Variants in AHNAK2 observed in about 807,000 individuals in gnomAD.
AHNAK2 encodes the protein AHNAK nucleoprotein 2.
Under a neutral mutation model 30.7 loss-of-function variants are expected in AHNAK2, and 18 were observed. That is an observed-to-expected ratio of 0.59 (90% CI 0.41 to 0.87). The LOEUF (loss-of-function observed/expected upper bound fraction) is 0.87. Among genes scored for constraint, AHNAK2 ranks in the 40% least tolerant of loss-of-function variants. The probability of loss-of-function intolerance (pLI) is 0.00; values close to 1 mark genes in which losing one functional copy is unlikely to be tolerated. For synonymous variants in AHNAK2, 3,590 were observed against 3,073.8 expected, an observed-to-expected ratio of 1.17 and a Z score of -5.56; for missense variants, 8,604 against 7,373.0, an observed-to-expected ratio of 1.17 and a Z score of -6.11.
In AHNAK2 at chr14:104,939,962, A is replaced by G; in HGVS notation, c.15489T>C (p.Cys5163=). The change falls in exon 7 of 7, where the codon TGT becomes TGC. Residue 5163 remains cysteine, a synonymous_variant. Transcript: ENST00000333244. The part of the protein sequence containing the change: ...PTPEDPLQPS[C]RKPDAEVLTV... The stretch of plus-strand genomic sequence containing the variant: ...TGAGGACTTCAGCATCTGGTTTTCT[A>G]CAGGATGGCTGGAGGGGATCTTCAG... 6.2e-7 allele frequency: 1 copy of G among 1,612,004 alleles called. No individual in the cohort carries two copies. The highest frequency in any genetic ancestry group is 8.5e-7 in the Non-Finnish European group (1 of 1,179,866).
rs1202402368 is a variant in AHNAK2, at chr14:104,966,857, C to T, written c.56-9185G>A. ...CAAGGGCAATGGCAGGTAAGCCACT[C>T]TCTGGCCTCAGTTTCCCTTCCTGCT... On this transcript the variant is annotated intron_variant, in intron 1 of 6. Coordinates refer to ENST00000333244, the MANE Select transcript of AHNAK2 (RefSeq NM_138420.4). The surrounding 1 kb of genome is among the most constrained non-coding windows in gnomAD (Gnocchi z 4.3). 1.3e-5 allele frequency among the ~76,000 whole-genome samples: 2 copies of T among 152,248 alleles called. No homozygotes were observed. Among genetic ancestry groups the T allele is most frequent in the African/African-American group, 2.4e-5 (1 of 41,466 alleles).
At chr14:104,961,947 G>A (rs183449001) in intron 1 of AHNAK2, among the ~76,000 whole-genome samples, 115 of 152,226 alleles carry the variant, frequency 7.6e-4, no homozygotes, top group Non-Finnish European at 9.7e-4. Flanking sequence ...CACTCCAGCC[G>A]GGGCAGCAAA....
intron 1 of AHNAK2, among the ~76,000 whole-genome samples, chr14:104,976,862 C>G (rs996257032): frequency 6.6e-6 from 1 of 152,288 alleles, no homozygotes; most frequent in South Asian, 2.1e-4. Context: ...CCTTCTCCCT[C>G]TGAGGAGGTC....
chr14:104,957,292 A>G (rs1899002927), intron 3 of AHNAK2, 118 bp downstream of exon 3: 4 of 932,348 alleles, frequency 4.3e-6, no homozygotes, highest in Non-Finnish European at 4.7e-6. Flanking sequence ...CTGAGTGGGC[A>G]CTGCCCAGTG....
chr14:104,971,609 G>A (rs1236462293), intron 1 of AHNAK2, among the ~76,000 whole-genome samples: 1 of 152,060 alleles, frequency 6.6e-6, no homozygotes, highest in Non-Finnish European at 1.5e-5. Flanking sequence ...AGTGGTGGCT[G>A]AGAAACACCT....
At chr14:104,961,842 G>A (rs776242781) in intron 1 of AHNAK2, among the ~76,000 whole-genome samples, 8 of 151,920 alleles carry the variant, frequency 5.3e-5, no homozygotes, top group East Asian at 1.9e-4. Flanking sequence ...GCATGGTGGC[G>A]CACATCTGTA....
chr14:104,963,755 G>A (rs544522870), intron 1 of AHNAK2, among the ~76,000 whole-genome samples: 22 of 151,620 alleles, frequency 1.5e-4, no homozygotes, highest in Non-Finnish European at 2.1e-4. Flanking sequence ...GCGTGAACCC[G>A]GGAGGCGGAG....
chr14:104,949,849 T>C lies in AHNAK2; in HGVS notation c.5602A>G (p.Thr1868Ala), dbSNP rs149176067. Residue 1868 changes from threonine to alanine, a missense_variant, in exon 7 of 7, where the codon ACC becomes GCC. Transcript: ENST00000333244. Reference sequence around the variant, plus strand: ...GGGAGCGGAATGCAGAGGTCCGTGGTCTTGAGGTCCCCCTGCATGGAGGGG... The same window carrying C: ...GGGAGCGGAATGCAGAGGTCCGTGGCCTTGAGGTCCCCCTGCATGGAGGGG... ...SLPSMQGDLK[T>A]TDLCIPLPSA... is the part of the protein sequence containing the mutation. 943 of 1,586,990 alleles carry C rather than the reference T, an allele frequency of 5.9e-4. 72 individuals carry two copies. The East Asian group carries it at 6.1e-3, about 10-fold the overall frequency.
In AHNAK2 at chr14:104,941,682, G is replaced by A; in HGVS notation, c.13769C>T (p.Ser4590Phe). ...AEVMAPDVEVSLPSVETDVQA... is the reference protein window; with the variant it reads ...AEVMAPDVEVFLPSVETDVQA... ...GACATCCGTCTCCACGCTGGGCAGA[G>A]ACACCTCCACATCGGGGGCCATCAC... is the stretch of plus-strand genomic sequence containing the variant. Residue 4590 changes from serine to phenylalanine, a missense_variant, in exon 7 of 7, where the codon TCT (serine) becomes TTT (phenylalanine). Physicochemically the swap from Ser to Phe is radical, Grantham distance 155 (BLOSUM62 -2). Coordinates refer to ENST00000333244, the MANE Select transcript of AHNAK2 (RefSeq NM_138420.4). 2 of 1,613,704 alleles carry A rather than the reference G, an allele frequency of 1.2e-6. No individual in the cohort carries two copies. Among genetic ancestry groups the A allele is most frequent in the Non-Finnish European group, 8.5e-7 (1 of 1,179,868 alleles).
rs199891797 is a variant in AHNAK2 at position 104,943,869 on chromosome 14, G to A, written c.11582C>T (p.Thr3861Met). ...CATGTCCACCTGGCGAGCTTGGACC[G>A]TCAGGTCGGCAGAATGGGGCTGAAT... ...LSIQPHSADL[T>M]VQARQVDMKL... The change falls in exon 7 of 7, where the codon ACG becomes ATG. Residue 3861 changes from threonine (T) to methionine (M), a missense_variant. Physicochemically the swap from Thr to Met is moderately conservative, Grantham distance 81 (BLOSUM62 -1). Coordinates refer to ENST00000333244, the MANE Select transcript of AHNAK2 (RefSeq NM_138420.4). The A allele has an allele frequency of 5.8e-5, 94 of 1,608,264 alleles. 2 individuals are homozygous for A. Among genetic ancestry groups the A allele is most frequent in the South Asian group, 4.1e-4 (37 of 90,860 alleles).
In AHNAK2 at chr14:104,941,309, G is replaced by C. The variant is rs753272855; in HGVS notation, c.14142C>G (p.Thr4714=). 14 of 1,613,340 alleles carry C rather than the reference G, an allele frequency of 8.7e-6. No individual in the cohort carries two copies. The highest frequency in any genetic ancestry group is 1.7e-5 in the Admixed American group (1 of 59,982). Residue 4714 remains threonine, a synonymous_variant, in exon 7 of 7, where the codon ACC becomes ACG. Coordinates refer to ENST00000333244, the MANE Select transcript of AHNAK2 (RefSeq NM_138420.4). ...GGACTAAACTATCTTTAGGAGTTTT[G>C]GTAGAAGAAAATGAAACTTTGGGCA... The part of the protein sequence containing the change: ...FKVPKVSFSS[T]KTPKDSLVPG...
At chr14:104,956,114 C>A (rs1898967852) in intron 4 of AHNAK2, among the ~76,000 whole-genome samples, 1 of 152,112 alleles carries the variant, frequency 6.6e-6, no homozygotes, top group Admixed American at 6.6e-5. Context: ...CTGTGTCCTG[C>A]AGAGCTCTTG....
chr14:104,958,443 C>T (rs1211041791), intron 1 of AHNAK2, among the ~76,000 whole-genome samples: 18 of 151,176 alleles, frequency 1.2e-4, no homozygotes, highest in Admixed American at 5.9e-4. Context: ...AGTGAAACTC[C>T]GTCTCAAAAA....
At position 104,946,875 on chromosome 14, in the gene AHNAK2, G is replaced by A. The variant is rs752651546; in HGVS notation, c.8576C>T (p.Thr2859Ile). 11 of 1,612,586 alleles carry A rather than the reference G, an allele frequency of 6.8e-6. No homozygotes were observed. The East Asian group carries it at 2.5e-4, about 36-fold the overall frequency. Residue 2859 changes from threonine to isoleucine, a missense_variant, in exon 7 of 7, where the codon ACT (threonine) becomes ATT (isoleucine). Thr to Ile is a moderately conservative substitution (Grantham distance 89). Coordinates refer to ENST00000333244, the MANE Select transcript of AHNAK2 (RefSeq NM_138420.4). ...FPSMQGDLKT[T>I]DIRIQPPSAQ... ...GGAGGGGGGCTGAATGCGGATGTCA[G>A]TGGTCTTAAGATCCCCTTGCATGGA...
Position 104,949,297 on chromosome 14 carries a change from C to T in AHNAK2, c.6154G>A (p.Val2052Met), listed in dbSNP as rs777305248. 3.6e-5 allele frequency: 38 copies of T among 1,065,158 alleles called. 4 individuals are homozygous for T. The highest frequency in any genetic ancestry group is 3.0e-4 in the African/African-American group (21 of 69,316). The allele number at this position is 1,065,158 out of a possible 1,614,324, so 66.0% of individuals were successfully genotyped here. A position where few individuals can be genotyped will look rare whatever the true frequency, so the allele number is the denominator to read the frequency against. ...SADLKVQTGQ[V>M]DVKLPEGHVP... The stretch of plus-strand genomic sequence containing the variant: ...TGGCCCTCCGGGAGCTTCACATCCA[C>T]CTGGCCAGTCTGGACCTTCAGGTCG... Residue 2052 changes from valine (V) to methionine (M), a missense_variant, in exon 7 of 7, where the codon GTG (valine) becomes ATG (methionine). Transcript: ENST00000333244.
chr14:104,954,707 C>A lies in AHNAK2; in HGVS notation c.744G>T (p.Val248=), dbSNP rs1395220444. 2 of 1,612,952 alleles carry A rather than the reference C, an allele frequency of 1.2e-6. No individual in the cohort carries two copies. The highest frequency in any genetic ancestry group is 1.7e-5 in the Admixed American group (1 of 59,936). The change falls in exon 7 of 7, where the codon GTG becomes GTT. Residue 248 remains valine, a synonymous_variant. Transcript: ENST00000333244. The surrounding 1 kb of genome is among the most constrained non-coding windows in gnomAD (Gnocchi z 4.3). ...DQERLISKPR[V]GRGRQSQRER... ...CCCTCTGGCTCTGCCTGCCTCTCCC[C>A]ACCCTTGGTTTGGAGATGAGTCTCT... is the stretch of plus-strand genomic sequence containing the variant.
In AHNAK2 at chr14:104,952,964, T is replaced by G. The variant is rs1471867960; in HGVS notation, c.2487A>C (p.Lys829Asn). The change falls in exon 7 of 7, where the codon AAA (lysine) becomes AAC (asparagine). Residue 829 changes from lysine (K) to asparagine (N), a missense_variant. By Grantham distance (94) the Lys-to-Asn change is moderately conservative (BLOSUM62 0). Coordinates refer to ENST00000333244, the MANE Select transcript of AHNAK2 (RefSeq NM_138420.4). Reference sequence around the variant, plus strand: ...ACTTGGGCATTTTGAACTTGCTGTCTTTGGCAGTCACCTCCTTGTCGGCCA... The same window carrying G: ...ACTTGGGCATTTTGAACTTGCTGTCGTTGGCAGTCACCTCCTTGTCGGCCA... Reference protein sequence around the residue: ...LSLADKEVTAKDSKFKMPKFK... With the variant: ...LSLADKEVTANDSKFKMPKFK... The G allele has an allele frequency of 5.6e-6, 9 of 1,612,226 alleles. No individual in the cohort carries two copies. Among genetic ancestry groups the G allele is most frequent in the Non-Finnish European group, 7.6e-6 (9 of 1,179,482 alleles).
At position 104,950,965 on chromosome 14, in the gene AHNAK2, G is replaced by A. The variant is rs1898664144; in HGVS notation, c.4486C>T (p.Pro1496Ser). ...LTTKDSKFKM[P>S]KFKMPSFGVS... ...CCGAACGACGGCATCTTGAACTTGG[G>A]CATTTTGAACTTGCTGTCTTTGGTA... Residue 1496 changes from proline to serine, a missense_variant, in exon 7 of 7, where the codon CCC becomes TCC. Physicochemically the swap from Pro to Ser is moderately conservative, Grantham distance 74. Coordinates refer to ENST00000333244, the MANE Select transcript of AHNAK2 (RefSeq NM_138420.4). 7.0e-7 allele frequency: 1 copy of A among 1,425,332 alleles called. No individual in the cohort carries two copies. The highest frequency in any genetic ancestry group is 1.4e-5 in the African/African-American group (1 of 70,272). The allele number at this position is 1,425,332 out of a possible 1,614,324, so 88.3% of individuals were successfully genotyped here.
chr14:104,976,609 C>T (rs1015879830), intron 1 of AHNAK2, among the ~76,000 whole-genome samples: 3 of 152,216 alleles, frequency 2.0e-5, no homozygotes, highest in Non-Finnish European at 1.5e-5. Flanking sequence ...CCAGCGAGAG[C>T]CACTGACCTT....
Sources: gnomAD v4.1 joint callset for allele counts (sites outside exome capture counted in the v4.1 genomes callset) on GRCh38, gnomAD v4.1.1 for gene constraint, Gnocchi (gnomAD v3.1) non-coding constraint, MANE v1.5 for transcripts, NCBI Gene and HGNC (gene_info 2026-07-23, HGNC 2026-07-21) for gene names.